Variants in USP49 observed in about 807,000 individuals in gnomAD.
USP49 encodes ubiquitin specific peptidase 49.
Under a neutral mutation model 58.6 loss-of-function variants are expected in USP49, and 24 were observed. That is an observed-to-expected ratio of 0.41 (90% CI 0.30 to 0.58). USP49 has a LOEUF of 0.58. Ranked by LOEUF, USP49 falls within the 20% of genes least tolerant of loss-of-function variation. USP49 has a pLI of 0.30. For missense variants in USP49, 703 were observed against 866.1 expected (o/e 0.81, Z 2.36); for synonymous variants, 408 against 365.1 (o/e 1.12, Z -1.34).
intron 3 of USP49, among the ~76,000 whole-genome samples, chr6:41,862,216 T>C (rs1210296130): frequency 1.3e-5 from 2 of 152,202 alleles, no homozygotes; most frequent in African/African-American, 2.4e-5. Flanking sequence ...AAGGGATATA[T>C]GCATTTAAAT....
chr6:41,815,508 G>C (rs191316204), intron 3 of USP49, among the ~76,000 whole-genome samples: 1,978 of 152,196 alleles, frequency 0.013, 27 homozygotes, highest in South Asian at 0.062. Flanking sequence ...GACAGTGGGT[G>C]GGAGAAGAGA....
At chr6:41,821,467 C>A (rs1028985683) in intron 3 of USP49, among the ~76,000 whole-genome samples, 1 of 152,152 alleles carries the variant, frequency 6.6e-6, no homozygotes, top group Non-Finnish European at 1.5e-5. Flanking sequence ...GAAACTTCCC[C>A]TTTACTGGGA....
chr6:41,818,435 G>A (rs926515026), intron 3 of USP49, among the ~76,000 whole-genome samples: 1 of 152,200 alleles, frequency 6.6e-6, no homozygotes, highest in Non-Finnish European at 1.5e-5. Context: ...AAGTGGATGA[G>A]AACCAGATTG....
At position 41,809,868 on chromosome 6, in the gene USP49, T is replaced by C. The variant is rs142260153; in HGVS notation, c.-28-2857A>G. ...AATAAAAATTAAAAAATAAAGAAAA[T>C]AGGCCGGGCGCGGTGGCTCACGCCT... On this transcript the variant is annotated intron_variant, in intron 3 of 7. Coordinates refer to ENST00000682992, the MANE Select transcript of USP49 (RefSeq NM_001286554.2). Among the ~76,000 whole-genome samples, 1,028 of 143,254 alleles carry C rather than the reference T, an allele frequency of 7.2e-3. 12 individuals are homozygous for C. Among genetic ancestry groups the C allele is most frequent in the African/African-American group, 0.025 (967 of 38,834 alleles). The allele number at this position is 143,254 out of a possible 152,430, so 94.0% of individuals were successfully genotyped here. A position where few individuals can be genotyped will look rare whatever the true frequency, so the allele number is the denominator to read the frequency against.
intron 2 of USP49, among the ~76,000 whole-genome samples, chr6:41,887,803 G>T (rs991385566): frequency 1.3e-5 from 2 of 152,050 alleles, no homozygotes; most frequent in Non-Finnish European, 2.9e-5. Context: ...AAGACAGAGA[G>T]AAAATACTTG....
At chr6:41,855,440 A>G (rs900249207) in intron 3 of USP49, among the ~76,000 whole-genome samples, 2 of 151,036 alleles carry the variant, frequency 1.3e-5, no homozygotes, top group Admixed American at 6.6e-5. Context: ...ACTTGAACCC[A>G]GGAGGCAGAG....
At chr6:41,807,060 T>A in intron 3 of USP49, 49 bp from the exon 4 acceptor site, 1 of 1,286,008 alleles carries the variant, frequency 7.8e-7, no homozygotes, top group Non-Finnish European at 9.9e-7. Context: ...AAAACACTTT[T>A]AGAAAAATAT....
chr6:41,806,381 G>C lies in USP49; in HGVS notation c.603C>G (p.Ala201=), dbSNP rs1325119278. The part of the protein sequence containing the change: ...EVKRRLLEEL[A]STPPRKSARL... The stretch of plus-strand genomic sequence containing the variant: ...GTGCACTCTTGCGCGGAGGGGTGCT[G>C]GCCAGCTCCTCCAGCAGCCGCCGTT... The change falls in exon 4 of 8, where the codon GCC becomes GCG. Residue 201 remains alanine (A), a synonymous_variant. Coordinates refer to ENST00000682992, the MANE Select transcript of USP49 (RefSeq NM_001286554.2). This position sits in a 1 kb window ranked among gnomAD's most constrained non-coding sequence, Gnocchi z 5.9. 2.6e-6 allele frequency: 4 copies of C among 1,549,316 alleles called. No individual in the cohort carries two copies. The highest frequency in any genetic ancestry group is 3.5e-6 in the Non-Finnish European group (4 of 1,157,154).
intron 3 of USP49, among the ~76,000 whole-genome samples, chr6:41,808,516 T>G (rs1201169408): frequency 1.3e-5 from 2 of 151,470 alleles, no homozygotes; most frequent in African/African-American, 4.9e-5. Flanking sequence ...TTCAAGCGAT[T>G]CTCCTGCCTC....
At chr6:41,828,174 G>T (rs1773574171) in intron 3 of USP49, among the ~76,000 whole-genome samples, 2 of 152,116 alleles carry the variant, frequency 1.3e-5, no homozygotes, top group South Asian at 4.1e-4. Context: ...GCTGGGCGTG[G>T]TGGCTCACAC....
At chr6:41,874,276 C>G (rs1186445844) in intron 2 of USP49, 2 of 152,202 alleles carry the variant, frequency 1.3e-5, no homozygotes, top group East Asian at 1.9e-4. Flanking sequence ...AAGTAAAACA[C>G]CAGTGCACTG....
chr6:41,802,451 T>TATTC (rs1491203460), intron 5 of USP49, among the ~76,000 whole-genome samples: 1,078 of 88,416 alleles, frequency 0.012, 53 homozygotes, highest in African/African-American at 0.05. Flanking sequence ...TTTATTTATT[T>TATTC]ATTTATTTAT....
At chr6:41,855,343 C>T (rs186265841) in intron 3 of USP49, among the ~76,000 whole-genome samples, 12 of 151,584 alleles carry the variant, frequency 7.9e-5, no homozygotes, top group Admixed American at 4.6e-4. Flanking sequence ...GGTGAAATCC[C>T]GTCTCTACTA....
chr6:41,830,323 G>A (rs570421612), intron 3 of USP49, among the ~76,000 whole-genome samples: 6 of 152,318 alleles, frequency 3.9e-5, no homozygotes, highest in African/African-American at 1.4e-4. Flanking sequence ...TTGTTTCAAT[G>A]TTTAATATAG....
In USP49 at chr6:41,806,115, T is replaced by TC; in HGVS notation, c.868dup (p.Glu290GlyfsTer31). On this transcript the variant is annotated frameshift_variant, in exon 4 of 8. Coordinates refer to ENST00000682992, the MANE Select transcript of USP49 (RefSeq NM_001286554.2). LOFTEE classifies it high-confidence loss of function. This position sits in a 1 kb window ranked among gnomAD's most constrained non-coding sequence, Gnocchi z 5.9. ...GTTGGTGGCTTTGGGAAACAGATGTTCCGTTTTGGAAGGGTCAAGGTTGAG... is the reference window on the plus strand; with the variant it reads ...GTTGGTGGCTTTGGGAAACAGATGTTCCCGTTTTGGAAGGGTCAAGGTTGAG... 6.2e-7 allele frequency: 1 copy of TC among 1,613,922 alleles called. No individual in the cohort carries two copies. Among genetic ancestry groups the TC allele is most frequent in the Non-Finnish European group, 8.5e-7 (1 of 1,180,028 alleles).
Position 41,806,683 on chromosome 6 carries a change from C to T in USP49, c.301G>A (p.Ala101Thr). The change falls in exon 4 of 8, where the codon GCG becomes ACG. Residue 101 changes from alanine (A) to threonine (T), a missense_variant. This residue lies in a region of USP49 where 376 missense variants were observed against 373.5 expected (regional missense o/e 1.01). Transcript: ENST00000682992. This position sits in a 1 kb window ranked among gnomAD's most constrained non-coding sequence, Gnocchi z 5.9. ...DLKLLRSSLL[A>T]VRGQKQDTPV... is the part of the protein sequence containing the mutation. ...GTGTCCTGTTTCTGGCCCCGGACCG[C>T]CAGGAGGGAGCTTCTTAGCAGCTTC... The T allele has an allele frequency of 1.2e-6, 2 of 1,614,186 alleles. No homozygotes were observed. The highest frequency in any genetic ancestry group is 1.7e-6 in the Non-Finnish European group (2 of 1,180,046).
intron 3 of USP49, among the ~76,000 whole-genome samples, chr6:41,862,368 T>C (rs902229994): frequency 4.6e-5 from 7 of 152,234 alleles, no homozygotes; most frequent in African/African-American, 1.4e-4. Context: ...AATAGGACAT[T>C]TGAAAAATAA....
At position 41,795,508 on chromosome 6, in the gene USP49, C is replaced by A. The variant is rs374642982; in HGVS notation, c.*1025G>T. ...GGTGGACTCCTAAGCAGTTAACATA[C>A]CCTAGAGAACCAAAAGCTCCCAAAC... On this transcript the variant is annotated 3_prime_UTR_variant, in exon 8 of 8. Transcript: ENST00000682992. 6.6e-6 allele frequency: 1 copy of A among 152,140 alleles called. No individual in the cohort carries two copies. Among genetic ancestry groups the A allele is most frequent in the African/African-American group, 2.4e-5 (1 of 41,412 alleles). The allele number at this position is 152,140 out of a possible 1,614,324, so 9.4% of individuals were successfully genotyped here.
chr6:41,835,683 C>T (rs2127344323), intron 3 of USP49, among the ~76,000 whole-genome samples: 1 of 148,952 alleles, frequency 6.7e-6, no homozygotes, highest in South Asian at 2.1e-4. Context: ...CACTGCACTC[C>T]AGCCTGGTGA....
Sources: allele counts gnomAD v4.1 joint callset (sites outside exome capture counted in the v4.1 genomes callset), GRCh38; gene constraint gnomAD v4.1.1; regional missense constraint gnomAD v4.1.1; non-coding constraint Gnocchi (gnomAD v3.1); transcripts MANE v1.5; gene names NCBI Gene and HGNC (gene_info 2026-07-23, HGNC 2026-07-21).